Variants in METTL16 observed in about 807,000 individuals in gnomAD.
METTL16 encodes RNA N(6)-adenosine-methyltransferase METTL16.
In METTL16, 19 loss-of-function variants were observed where a neutral mutation model predicts 57.9. The ratio of observed to expected loss-of-function variants is 0.33; its 90% confidence interval spans 0.23 to 0.48. METTL16 has a LOEUF of 0.48. Ranked by LOEUF, METTL16 falls within the 20% of genes least tolerant of loss-of-function variation. The probability of loss-of-function intolerance (pLI) is 0.99; values close to 1 mark genes in which losing one functional copy is unlikely to be tolerated. For missense variants in METTL16, 434 were observed against 691.5 expected, an observed-to-expected ratio of 0.63 and a Z score of 4.18; for synonymous variants, 246 against 255.6, an observed-to-expected ratio of 0.96 and a Z score of 0.36.
intron 6 of METTL16, among the ~76,000 whole-genome samples, chr17:2,451,763 C>A (rs1168807773): frequency 6.6e-6 from 1 of 152,052 alleles, no homozygotes; most frequent in Non-Finnish European, 1.5e-5. Context: ...CAGCATAAAA[C>A]AGGTTAACAG....
chr17:2,486,996 C>T (rs1299762648), intron 2 of METTL16, among the ~76,000 whole-genome samples: 22 of 108,466 alleles, frequency 2.0e-4, no homozygotes, highest in Non-Finnish European at 3.8e-4. Flanking sequence ...AGAGTGAGAT[C>T]CTGTCTCAAA....
intron 4 of METTL16, among the ~76,000 whole-genome samples, 189 bp downstream of exon 4, chr17:2,473,335 A>G (rs566586499): frequency 1.2e-4 from 19 of 152,364 alleles, no homozygotes; most frequent in African/African-American, 4.6e-4. Context: ...TCCACAAATC[A>G]TAAGGATCAA....
chr17:2,458,211 C>G (rs958451269), intron 6 of METTL16, among the ~76,000 whole-genome samples: 1 of 152,042 alleles, frequency 6.6e-6, no homozygotes, highest in Non-Finnish European at 1.5e-5. Context: ...ATTACCCATC[C>G]CAAAATAGGT....
At chr17:2,465,036 T>G (rs2067181427) in intron 5 of METTL16, among the ~76,000 whole-genome samples, 1 of 152,162 alleles carries the variant, frequency 6.6e-6, no homozygotes, top group African/African-American at 2.4e-5. Flanking sequence ...AATAAGGAAC[T>G]TGCTTATAAA....
chr17:2,494,978 G>T (rs998506922), intron 2 of METTL16, among the ~76,000 whole-genome samples: 5 of 151,682 alleles, frequency 3.3e-5, no homozygotes, highest in African/African-American at 1.2e-4. Context: ...GCCATAGATA[G>T]TGATTCCTCA....
At chr17:2,497,768 C>T (rs943438506) in intron 2 of METTL16, among the ~76,000 whole-genome samples, 3 of 151,560 alleles carry the variant, frequency 2.0e-5, no homozygotes, top group African/African-American at 7.3e-5. Flanking sequence ...GCTCTGTTGC[C>T]TAGGCTGGAG....
rs144041556 is a variant in METTL16 at position 2,445,100 on chromosome 17, T to C, written c.729-3541A>G. ...CTCCTAACCTCGTGATCCACCCACC[T>C]TGGCCTCCCAAAGTGCTGGGATTAC... On this transcript the variant is annotated intron_variant, in intron 6 of 9. Coordinates refer to ENST00000263092, the MANE Select transcript of METTL16 (RefSeq NM_024086.4). Among the ~76,000 whole-genome samples, 1,193 of 152,306 alleles carry C rather than the reference T, an allele frequency of 7.8e-3. 25 individuals carry two copies. The highest frequency in any genetic ancestry group is 0.027 in the African/African-American group (1,120 of 41,558).
chr17:2,423,261 G>GGTGTGTGTGT (rs58486923), intron 8 of METTL16, among the ~76,000 whole-genome samples: 3,330 of 143,636 alleles, frequency 0.023, 66 homozygotes, highest in East Asian at 0.056. Context: ...AAAAACAAAG[G>GGTGTGTGTGT]GTGTGTGTGT....
intron 6 of METTL16, among the ~76,000 whole-genome samples, chr17:2,445,190 GAT>G (rs2066985853): frequency 6.6e-6 from 1 of 151,922 alleles, no homozygotes; most frequent in Non-Finnish European, 1.5e-5. Context: ...TTCTATGTTT[GAT>G]ATGTTTACAT....
At chr17:2,486,522 C>T (rs147336705) in intron 2 of METTL16, among the ~76,000 whole-genome samples, 1,946 of 152,106 alleles carry the variant, frequency 0.013, 92 homozygotes, top group Admixed American at 0.088. Flanking sequence ...CTGCCCGCCT[C>T]GACCTCCCAA....
Position 2,420,013 on chromosome 17 carries a change from G to A in METTL16, c.1646C>T (p.Thr549Ile). The A allele has an allele frequency of 2.5e-6, 4 of 1,614,150 alleles. No homozygotes were observed. The highest frequency in any genetic ancestry group is 3.4e-6 in the Non-Finnish European group (4 of 1,180,042). Residue 549 changes from threonine (T) to isoleucine (I), a missense_variant, in exon 10 of 10, where the codon ACC (threonine) becomes ATC (isoleucine). Around this residue, in one of 5 missense-constraint regions of METTL16, gnomAD observed 26 missense variants for 60.7 expected, o/e 0.43. Coordinates refer to ENST00000263092, the MANE Select transcript of METTL16 (RefSeq NM_024086.4). This position sits in a 1 kb window ranked among gnomAD's most constrained non-coding sequence, Gnocchi z 5.4. Reference sequence around the variant, plus strand: ...CCTGAAAATTTGGTTACGTATGTAGGTGCAAAGCTGGTTCATCAGATCCCT... The same window carrying A: ...CCTGAAAATTTGGTTACGTATGTAGATGCAAAGCTGGTTCATCAGATCCCT... Reference protein sequence around the residue: ...QNRDLMNQLCTYIRNQIFRLV... With the variant: ...QNRDLMNQLCIYIRNQIFRLV...
intron 2 of METTL16, among the ~76,000 whole-genome samples, chr17:2,491,640 C>A (rs1468405427): frequency 6.6e-6 from 1 of 152,024 alleles, no homozygotes; most frequent in Non-Finnish European, 1.5e-5. Flanking sequence ...CGTTGGGAGG[C>A]CAAGGCGGGT....
chr17:2,430,509 G>T (rs1007407162), intron 8 of METTL16, among the ~76,000 whole-genome samples: 1 of 142,284 alleles, frequency 7.0e-6, no homozygotes, highest in African/African-American at 2.6e-5. Flanking sequence ...TCCGCCTCCC[G>T]GGTTCACGCC....
intron 6 of METTL16, among the ~76,000 whole-genome samples, chr17:2,457,970 C>G (rs548686682): frequency 6.6e-6 from 1 of 152,190 alleles, no homozygotes; most frequent in Non-Finnish European, 1.5e-5. Flanking sequence ...GCCTCAACCT[C>G]CCAGGCTCAA....
At chr17:2,465,718 T>C (rs967983925) in intron 5 of METTL16, among the ~76,000 whole-genome samples, 1 of 146,136 alleles carries the variant, frequency 6.8e-6, no homozygotes, top group Non-Finnish European at 1.5e-5. Flanking sequence ...CAAAAAAAAT[T>C]AGCCACACGC....
intron 6 of METTL16, among the ~76,000 whole-genome samples, chr17:2,443,081 C>T (rs566071384): frequency 6.6e-6 from 1 of 152,106 alleles, no homozygotes; most frequent in African/African-American, 2.4e-5. Flanking sequence ...CCTCCACTTC[C>T]GGGCTCAAGC....
chr17:2,428,615 A>C (rs2066844116), intron 8 of METTL16, among the ~76,000 whole-genome samples: 1 of 124,276 alleles, frequency 8.0e-6, no homozygotes, highest in Non-Finnish European at 1.6e-5. Flanking sequence ...ATTGTAATAC[A>C]GCGGGGCACA....
chr17:2,447,201 G>C (rs888672213), intron 6 of METTL16, among the ~76,000 whole-genome samples: 1 of 142,678 alleles, frequency 7.0e-6, no homozygotes, highest in Non-Finnish European at 1.5e-5. Flanking sequence ...GCCGCCCATC[G>C]TCTGAGATGT....
At chr17:2,431,252 G>A (rs181920183) in intron 8 of METTL16, among the ~76,000 whole-genome samples, 221 of 152,168 alleles carry the variant, frequency 1.5e-3, no homozygotes, top group Middle Eastern at 3.4e-3. Context: ...CAGCCTTTTC[G>A]TGTAAATCAT....
Sources: gnomAD v4.1 joint callset for allele counts (sites outside exome capture counted in the v4.1 genomes callset) on GRCh38, gnomAD v4.1.1 for gene constraint, gnomAD v4.1.1 regional missense constraint, Gnocchi (gnomAD v3.1) non-coding constraint, MANE v1.5 for transcripts, NCBI Gene and HGNC (gene_info 2026-07-23, HGNC 2026-07-21) for gene names.